TMEM260: variants seen among roughly 807,000 people sequenced by gnomAD.
TMEM260 encodes the protein transmembrane protein 260, also known as protein O-mannosyl-transferase TMEM260.
Under a neutral mutation model 88.9 loss-of-function variants are expected in TMEM260, and 82 were observed. That is an observed-to-expected ratio of 0.92 (90% confidence interval 0.77 to 1.11). The LOEUF (loss-of-function observed/expected upper bound fraction) is 1.11, where lower values mean the gene tolerates loss of function less well. TMEM260 is among the 50% of genes least tolerant of loss of function. TMEM260 has a pLI of 0.00. For synonymous variants in TMEM260, 314 were observed against 309.3 expected, an observed-to-expected ratio of 1.02 and a Z score of -0.16; for missense variants, 902 against 853.4, an observed-to-expected ratio of 1.06 and a Z score of -0.71.
intron 15 of TMEM260, among the ~76,000 whole-genome samples, chr14:56,641,976 C>T (rs1038650791): frequency 3.9e-5 from 6 of 152,144 alleles, no homozygotes; most frequent in African/African-American, 1.4e-4. Flanking sequence ...AATATATATG[C>T]ACCCAATACA....
rs1175057769 is a variant in TMEM260, at chr14:56,621,647, G to A, written c.1343G>A (p.Arg448His). Reference sequence around the variant, plus strand: ...GGAGATTTGCCAGGAAATTCTCTCCGTTACATGCATTACTGTGAGGGGTTG... The same window carrying A: ...GGAGATTTGCCAGGAAATTCTCTCCATTACATGCATTACTGTGAGGGGTTG... ...LRGDLPGNSL[R>H]YMHYCEGLRP... Residue 448 changes from arginine (R) to histidine (H), a missense_variant, in exon 11 of 16, where the codon CGT (arginine) becomes CAT (histidine). Physicochemically the swap from Arg to His is conservative, Grantham distance 29 (BLOSUM62 0). Coordinates refer to ENST00000261556, the MANE Select transcript of TMEM260 (RefSeq NM_017799.4). 9.9e-6 allele frequency: 16 copies of A among 1,613,104 alleles called. No individual in the cohort carries two copies. Among genetic ancestry groups the A allele is most frequent in the East Asian group, 2.2e-5 (1 of 44,826 alleles).
At chr14:56,637,119 G>C (rs989115409) in intron 15 of TMEM260, among the ~76,000 whole-genome samples, 2 of 152,224 alleles carry the variant, frequency 1.3e-5, no homozygotes, top group African/African-American at 4.8e-5. Context: ...GTCTCCTCTA[G>C]AGCCTCCTGA....
At chr14:56,654,706 T>C (rs960989107), downstream of TMEM260, among the ~76,000 whole-genome samples, 1 of 147,786 alleles carries the variant, frequency 6.8e-6, no homozygotes, top group Non-Finnish European at 1.5e-5. Flanking sequence ...CTCAGCTACT[T>C]GGGAGGCTGA....
intron 5 of TMEM260, among the ~76,000 whole-genome samples, chr14:56,606,263 T>C (rs78856778): frequency 0.019 from 2,892 of 152,196 alleles, 87 homozygotes; most frequent in African/African-American, 0.066. Flanking sequence ...AACAGGAAAA[T>C]TACTTCATTA....
In TMEM260 at chr14:56,647,238, T is replaced by C; in HGVS notation, c.1870-5T>C. The C allele has an allele frequency of 1.2e-6, 2 of 1,600,336 alleles. No homozygotes were observed. The highest frequency in any genetic ancestry group is 2.2e-5 in the South Asian group (2 of 88,928). ...TGGAATACCAACATTTCTGCTGTTT[T>C]CTAGCTTTATAAGGAGATTGTCTAT... On this transcript the variant is annotated splice_polypyrimidine_tract_variant and splice_region_variant and intron_variant, in intron 15 of 15. Coordinates refer to ENST00000261556, the MANE Select transcript of TMEM260 (RefSeq NM_017799.4).
intron 4 of TMEM260, among the ~76,000 whole-genome samples, 167 bp downstream of exon 4, chr14:56,604,159 C>T (rs900510413): frequency 1.3e-5 from 2 of 151,950 alleles, no homozygotes; most frequent in Non-Finnish European, 2.9e-5. Flanking sequence ...ATGGATGGAA[C>T]CAGGATAGCC....
chr14:56,585,392 C>T (rs1885427265), intron 2 of TMEM260, among the ~76,000 whole-genome samples: 1 of 152,014 alleles, frequency 6.6e-6, no homozygotes, highest in Admixed American at 6.6e-5. Context: ...GGTGGTAATC[C>T]GATAGCAGTG....
chr14:56,627,549 G>C (rs1016624827), intron 12 of TMEM260, among the ~76,000 whole-genome samples: 2 of 151,990 alleles, frequency 1.3e-5, no homozygotes, highest in African/African-American at 4.8e-5. Context: ...GTATATGTAG[G>C]GTTTTTTGTG....
At chr14:56,642,634 C>T (rs1044892751) in intron 15 of TMEM260, among the ~76,000 whole-genome samples, 6 of 152,076 alleles carry the variant, frequency 3.9e-5, no homozygotes, top group African/African-American at 1.4e-4. Flanking sequence ...CAAAAGCTAG[C>T]AGAAGGCAAG....
At chr14:56,624,166 A>T (rs1160610601) in intron 11 of TMEM260, among the ~76,000 whole-genome samples, 1 of 152,212 alleles carries the variant, frequency 6.6e-6, no homozygotes, top group Non-Finnish European at 1.5e-5. Flanking sequence ...GGCAGGGATT[A>T]TATCTTATTC....
chr14:56,580,629 AAACCTGAATATTGAG>A (rs1885066284), intron 1 of TMEM260, among the ~76,000 whole-genome samples: 1 of 152,188 alleles, frequency 6.6e-6, no homozygotes, highest in Non-Finnish European at 1.5e-5. Context: ...GTTTTAGTTG[AAACCTGAATATTGAG>A]AAGGAACTAG....
At chr14:56,604,475 A>G (rs1042908552) in intron 4 of TMEM260, among the ~76,000 whole-genome samples, 1 of 152,212 alleles carries the variant, frequency 6.6e-6, no homozygotes, top group African/African-American at 2.4e-5. Context: ...GACAAACACT[A>G]TCATCAAAAT....
chr14:56,651,542 T>C (rs1890207084), downstream of TMEM260, among the ~76,000 whole-genome samples: 1 of 152,120 alleles, frequency 6.6e-6, no homozygotes, highest in South Asian at 2.1e-4. Context: ...AGATCCAAAG[T>C]TAGATGTGAG....
intron 1 of TMEM260, among the ~76,000 whole-genome samples, chr14:56,582,187 A>G (rs999560388): frequency 1.3e-5 from 2 of 152,242 alleles, no homozygotes; most frequent in East Asian, 3.8e-4. Flanking sequence ...ATTTTCATCA[A>G]TAAACAGAAC....
Position 56,647,602 on chromosome 14 carries a change from G to A in TMEM260, c.*105G>A. 1.6e-6 allele frequency: 2 copies of A among 1,259,716 alleles called. No individual in the cohort carries two copies. Among genetic ancestry groups the A allele is most frequent in the Non-Finnish European group, 1.1e-6 (1 of 933,320 alleles). 78.0% of individuals were successfully genotyped at this position (1,259,716 alleles called of 1,614,324 possible). On this transcript the variant is annotated 3_prime_UTR_variant, in exon 16 of 16. Transcript: ENST00000261556. Reference sequence around the variant, plus strand: ...AACTGCATAAAAAATTTAAAACTAAGTCATCTCCCAGATATAAGTATCATG... The same window carrying A: ...AACTGCATAAAAAATTTAAAACTAAATCATCTCCCAGATATAAGTATCATG...
intron 6 of TMEM260, among the ~76,000 whole-genome samples, chr14:56,610,947 T>TTTTCTTTC (rs199554429): frequency 2.7e-5 from 4 of 148,906 alleles, no homozygotes; most frequent in Non-Finnish European, 5.9e-5. Flanking sequence ...CCAAATATTC[T>TTTTCTTTC]TTTCTTTCTT....
chr14:56,616,769 G>A (rs1052420301), intron 8 of TMEM260, among the ~76,000 whole-genome samples: 10 of 152,004 alleles, frequency 6.6e-5, no homozygotes, highest in Admixed American at 1.3e-4. Context: ...TAAGGCTTCC[G>A]ATATAGATAT....
chr14:56,585,639 A>G (rs1885445489), intron 2 of TMEM260, 122 bp from the exon 3 acceptor site: 1 of 893,836 alleles, frequency 1.1e-6, no homozygotes, highest in African/African-American at 1.7e-5. Flanking sequence ...CTATTCAAAC[A>G]TTTAGTCATT....
rs770134389 is a variant in TMEM260 at position 56,585,011 on chromosome 14, C to G, written c.171C>G (p.Ile57Met). ...SVPGGDSGEL[I>M]TAAHELGVAH... ...ATTATTTTTTCACAGGGGAACTGAT[C>G]ACAGCCGCACATGAGCTTGGAGTAA... Residue 57 changes from isoleucine (I) to methionine (M), a missense_variant, in exon 2 of 16, where the codon ATC (isoleucine) becomes ATG (methionine). By Grantham distance (10) the Ile-to-Met change is conservative. Transcript: ENST00000261556. 6 of 1,611,952 alleles carry G rather than the reference C, an allele frequency of 3.7e-6. No individual in the cohort carries two copies. In the East Asian group the frequency reaches 1.1e-4, roughly 30 times the overall value.
Sources: allele counts gnomAD v4.1 joint callset (sites outside exome capture counted in the v4.1 genomes callset), GRCh38; gene constraint gnomAD v4.1.1; transcripts MANE v1.5; gene names NCBI Gene and HGNC (gene_info 2026-07-23, HGNC 2026-07-21).